The following RSPH9 variants were observed in gnomAD, a reference collection of about 807,000 sequenced individuals.
RSPH9 encodes radial spoke head component 9.
In RSPH9, 27 loss-of-function variants were observed where a neutral mutation model predicts 27.0. The ratio of observed to expected loss-of-function variants is 1.00; its 90% CI spans 0.74 to 1.38. RSPH9 has a LOEUF of 1.38. Ranked by LOEUF, RSPH9 falls within the 40% of genes most tolerant of loss-of-function variation. The pLI is 0.00. For synonymous variants in RSPH9, 145 were observed against 147.7 expected, an observed-to-expected ratio of 0.98 and a Z score of 0.13; for missense variants, 347 against 357.4, an observed-to-expected ratio of 0.97 and a Z score of 0.24.
intron 4 of RSPH9, among the ~76,000 whole-genome samples, chr6:43,659,667 C>T (rs1772408101): frequency 6.6e-6 from 1 of 152,124 alleles, no homozygotes; most frequent in Non-Finnish European, 1.5e-5. Flanking sequence ...CAGGCGTGAG[C>T]CACCCCGCCC....
At chr6:43,660,547 T>G (rs1014504766) in intron 4 of RSPH9, among the ~76,000 whole-genome samples, 1 of 152,038 alleles carries the variant, frequency 6.6e-6, no homozygotes, top group South Asian at 2.1e-4. Context: ...CACTGCAACC[T>G]CCACCTCCCG....
In RSPH9 at chr6:43,645,148, G is replaced by C; in HGVS notation, c.50G>C (p.Gly17Ala). Residue 17 changes from glycine to alanine, a missense_variant, in exon 1 of 5, where the codon GGG (glycine) becomes GCG (alanine). Transcript: ENST00000372163. ...TCTCTGGAGCTGGCGTCCGGCAGTG[G>C]GCAGGGCCTCAGCCCGGACCGTCGG... ...LLSLELASGS[G>A]QGLSPDRRAS... The C allele has an allele frequency of 1.2e-6, 2 of 1,613,422 alleles. No individual in the cohort carries two copies. Among genetic ancestry groups the C allele is most frequent in the South Asian group, 1.1e-5 (1 of 91,088 alleles).
intron 4 of RSPH9, among the ~76,000 whole-genome samples, chr6:43,667,632 C>G (rs1773280867): frequency 6.6e-6 from 1 of 152,210 alleles, no homozygotes; most frequent in South Asian, 2.1e-4. Context: ...GGCCACGGGG[C>G]CTGCCTTTGC....
intron 4 of RSPH9, among the ~76,000 whole-genome samples, chr6:43,670,319 G>C (rs185174315): frequency 5.6e-4 from 86 of 152,290 alleles, no homozygotes; most frequent in African/African-American, 1.9e-3. Context: ...ATGGCTAAAA[G>C]GGCTGGGCGT....
rs78970418 is a variant in RSPH9, at chr6:43,670,748, C to A, written c.671-41C>A. The A allele has an allele frequency of 3.7e-3, 5,819 of 1,590,012 alleles. 205 individuals are homozygous for A. In the African/African-American group the frequency reaches 0.069, roughly 19 times the overall value. ...CAGCATGAAGGGCAGAGCTGTGGCT[C>A]CAGCAGCACCAGGCCTCACCTCCTG... On this transcript the variant is annotated intron_variant, in intron 4 of 4. Coordinates refer to ENST00000372163, the MANE Select transcript of RSPH9 (RefSeq NM_152732.5).
chr6:43,647,893 G>T (rs1474038582), intron 1 of RSPH9, among the ~76,000 whole-genome samples: 1 of 152,146 alleles, frequency 6.6e-6, no homozygotes, highest in African/African-American at 2.4e-5. Context: ...GTGTGTTCAG[G>T]GGGCAGGGAA....
Position 43,650,364 on chromosome 6 carries a change from A to G in RSPH9, c.228-11A>G, listed in dbSNP as rs745736090. The G allele has an allele frequency of 2.5e-6, 4 of 1,612,698 alleles. No individual in the cohort carries two copies. In the South Asian group the frequency reaches 3.3e-5, roughly 13 times the overall value. ...GTTGGAATCCAGGGGTGATGTGAATATTGTTGGCAGCCTGAACTGCACAGA... is the reference window on the plus strand; with the variant it reads ...GTTGGAATCCAGGGGTGATGTGAATGTTGTTGGCAGCCTGAACTGCACAGA... On this transcript the variant is annotated splice_polypyrimidine_tract_variant and intron_variant, in intron 1 of 4. Coordinates refer to ENST00000372163, the MANE Select transcript of RSPH9 (RefSeq NM_152732.5).
Position 43,645,246 on chromosome 6 carries a change from A to C in RSPH9, c.148A>C (p.Ile50Leu), listed in dbSNP as rs1464417910. The C allele has an allele frequency of 7.4e-6, 12 of 1,613,934 alleles. No homozygotes were observed. The highest frequency in any genetic ancestry group is 9.3e-6 in the Non-Finnish European group (11 of 1,180,014). The change falls in exon 1 of 5, where the codon ATC becomes CTC. Residue 50 changes from isoleucine to leucine, a missense_variant. By Grantham distance (5) the Ile-to-Leu change is conservative. Transcript: ENST00000372163. ...TGATCGGGTTCTCTTCTGGGGCCGC[A>C]TCCTTGGCCTCGTCGCCGATTACTA... ...RYDRVLFWGR[I>L]LGLVADYYIA...
At position 43,670,955 on chromosome 6, in the gene RSPH9, G is replaced by GAGCC; in HGVS notation, c.*11_*14dup. 6.2e-7 allele frequency: 1 copy of GAGCC among 1,614,130 alleles called. No homozygotes were observed. The highest frequency in any genetic ancestry group is 8.5e-7 in the Non-Finnish European group (1 of 1,180,030). On this transcript the variant is annotated 3_prime_UTR_variant, in exon 5 of 5. Coordinates refer to ENST00000372163, the MANE Select transcript of RSPH9 (RefSeq NM_152732.5). ...ACTTGCCCTTCATGCTATAGAATGGGAGCCAGCCTGGATGTTTTTAAACAG... is the reference window on the plus strand; with the variant it reads ...ACTTGCCCTTCATGCTATAGAATGGGAGCCAGCCAGCCTGGATGTTTTTAAACAG...
chr6:43,653,671 C>T (rs1342579248), intron 2 of RSPH9, among the ~76,000 whole-genome samples: 3 of 152,092 alleles, frequency 2.0e-5, no homozygotes, highest in Non-Finnish European at 4.4e-5. Context: ...TCACCCACTC[C>T]TACCTGATTG....
intron 3 of RSPH9, among the ~76,000 whole-genome samples, chr6:43,656,137 G>A (rs934672054): frequency 1.4e-5 from 2 of 147,252 alleles, no homozygotes; most frequent in African/African-American, 2.5e-5. Flanking sequence ...CCAGGCTGGA[G>A]TGCAGTGGCA....
At chr6:43,649,587 A>G (rs1306672444) in intron 1 of RSPH9, among the ~76,000 whole-genome samples, 1 of 152,040 alleles carries the variant, frequency 6.6e-6, no homozygotes, top group Admixed American at 6.6e-5. Context: ...AGGAGTGGGA[A>G]GGACCTCCTC....
chr6:43,646,343 C>T (rs1420495916), intron 1 of RSPH9, among the ~76,000 whole-genome samples: 2 of 151,482 alleles, frequency 1.3e-5, no homozygotes, highest in African/African-American at 4.9e-5. Flanking sequence ...ACCGTGTTAG[C>T]TAGGATGGTC....
At chr6:43,647,128 C>G (rs1254430667) in intron 1 of RSPH9, among the ~76,000 whole-genome samples, 1 of 135,730 alleles carries the variant, frequency 7.4e-6, no homozygotes, top group African/African-American at 2.5e-5. Flanking sequence ...GACCCTGTCT[C>G]AAAACAAATA....
chr6:43,651,597 G>T (rs888530238), intron 2 of RSPH9, among the ~76,000 whole-genome samples: 2 of 151,942 alleles, frequency 1.3e-5, no homozygotes, highest in African/African-American at 4.8e-5. Flanking sequence ...TGCTCAGGCT[G>T]AAGTGCAGTG....
intron 4 of RSPH9, among the ~76,000 whole-genome samples, chr6:43,667,948 T>C (rs1351941266): frequency 6.6e-6 from 1 of 152,146 alleles, no homozygotes; most frequent in African/African-American, 2.4e-5. Context: ...TTAGAGTAAG[T>C]ACGCCCTAGC....
At chr6:43,653,446 CAAA>C (rs79873267) in intron 2 of RSPH9, among the ~76,000 whole-genome samples, 8 of 75,476 alleles carry the variant, frequency 1.1e-4, no homozygotes, top group Admixed American at 2.7e-4. Flanking sequence ...GACTCCGTCT[CAAA>C]AAAAAAAAAA....
Position 43,645,337 on chromosome 6 carries a change from C to G in RSPH9, c.227+12C>G, listed in dbSNP as rs775214384. On this transcript the variant is annotated intron_variant, in intron 1 of 4. Coordinates refer to ENST00000372163, the MANE Select transcript of RSPH9 (RefSeq NM_152732.5). ...AAGACGCTCTATAGGTGAGGAGGCC[C>G]CCGGGACGGGCTCCCCAGAGGGTGG... The G allele has an allele frequency of 7.0e-7, 1 of 1,431,416 alleles. No individual in the cohort carries two copies. Among genetic ancestry groups the G allele is most frequent in the South Asian group, 1.1e-5 (1 of 88,904 alleles). 88.7% of individuals were successfully genotyped at this position (1,431,416 alleles called of 1,614,324 possible).
intron 1 of RSPH9, among the ~76,000 whole-genome samples, chr6:43,646,709 T>G (rs1264601280): frequency 6.9e-6 from 1 of 144,430 alleles, no homozygotes; most frequent in Non-Finnish European, 1.5e-5. Flanking sequence ...ACGCCTTTAA[T>G]CCCAGCACTT....
Sources: allele counts gnomAD v4.1 joint callset (sites outside exome capture counted in the v4.1 genomes callset), GRCh38; gene constraint gnomAD v4.1.1; transcripts MANE v1.5; gene names NCBI Gene and HGNC (gene_info 2026-07-23, HGNC 2026-07-21).